PDS5B: variants seen among roughly 807,000 people sequenced by gnomAD.
PDS5B encodes sister chromatid cohesion protein PDS5 homolog B.
A neutral mutation model predicts 184.1 loss-of-function variants in PDS5B; 51 were observed. The ratio of observed to expected loss-of-function variants is 0.28; its 90% CI spans 0.22 to 0.35. The LOEUF is 0.35. Ranked by LOEUF, PDS5B falls within the 10% of genes least tolerant of loss-of-function variation. PDS5B has a pLI of 1.00. For missense variants in PDS5B, 1,180 were observed against 1,723.3 expected (o/e 0.68, Z 5.58); for synonymous variants, 566 against 569.2 (o/e 0.99, Z 0.08).
chr13:32,732,524 T>G (rs1276454715), intron 20 of PDS5B, among the ~76,000 whole-genome samples: 2 of 152,134 alleles, frequency 1.3e-5, no homozygotes, highest in Admixed American at 6.5e-5. Context: ...TAGTTACAGA[T>G]AGTAGGTAAC....
chr13:32,696,559 A>C (rs1951710207), intron 14 of PDS5B, among the ~76,000 whole-genome samples: 1 of 151,958 alleles, frequency 6.6e-6, no homozygotes, highest in Non-Finnish European at 1.5e-5. Flanking sequence ...AAAAAAAAAA[A>C]ACAAAACCCC....
At chr13:32,649,027 GTA>G (rs1950298450) in intron 2 of PDS5B, 147 bp downstream of exon 2, 1 of 619,508 alleles carries the variant, frequency 1.6e-6, no homozygotes, top group African/African-American at 1.9e-5. Context: ...AGGGAGTAGA[GTA>G]TATAAGGTAC....
chr13:32,642,254 C>A (rs17077709), intron 1 of PDS5B, among the ~76,000 whole-genome samples: 1,580 of 152,246 alleles, frequency 0.01, 38 homozygotes, highest in African/African-American at 0.035. Context: ...TTCATTCATT[C>A]ATTATTTCCT....
chr13:32,702,707 A>C (rs1951896791), intron 17 of PDS5B, among the ~76,000 whole-genome samples: 1 of 152,220 alleles, frequency 6.6e-6, no homozygotes, highest in Non-Finnish European at 1.5e-5. Flanking sequence ...GATATTTAGA[A>C]AATGATTGCC....
intron 1 of PDS5B, among the ~76,000 whole-genome samples, chr13:32,590,059 ATTTG>A (rs2057750705): frequency 6.6e-6 from 1 of 152,224 alleles, no homozygotes; most frequent in Non-Finnish European, 1.5e-5. Flanking sequence ...AATAAAATTT[ATTTG>A]TTCAAATCTT....
intron 25 of PDS5B, 36 bp from the exon 26 acceptor site, chr13:32,755,806 G>GTT (rs199745922): frequency 2.4e-4 from 228 of 966,658 alleles, no homozygotes; most frequent in South Asian, 6.6e-4. Flanking sequence ...TTTTTCTTTT[G>GTT]TTTTTTTTTG....
chr13:32,608,574 A>G (rs2058096390), intron 1 of PDS5B, among the ~76,000 whole-genome samples: 1 of 152,216 alleles, frequency 6.6e-6, no homozygotes, highest in Non-Finnish European at 1.5e-5. Context: ...GACGATAGAC[A>G]TGAAGTGGGG....
intron 15 of PDS5B, among the ~76,000 whole-genome samples, chr13:32,699,426 A>C (rs1358898497): frequency 2.0e-5 from 3 of 152,174 alleles, no homozygotes; most frequent in Admixed American, 6.6e-5. Context: ...ACAGTAATAA[A>C]ATTGGCATTA....
At chr13:32,626,277 A>G (rs541045166) in intron 1 of PDS5B, among the ~76,000 whole-genome samples, 1 of 152,298 alleles carries the variant, frequency 6.6e-6, no homozygotes, top group South Asian at 2.1e-4. Context: ...ATGGAGGGAG[A>G]TAAGCCAGAC....
At chr13:32,747,875 T>C (rs1030689197) in intron 24 of PDS5B, among the ~76,000 whole-genome samples, 9 of 152,220 alleles carry the variant, frequency 5.9e-5, no homozygotes, top group Admixed American at 1.3e-4. Context: ...GGACTTTATT[T>C]GAAACAGTAT....
chr13:32,595,186 TA>T (rs2057842189), intron 1 of PDS5B, among the ~76,000 whole-genome samples: 1 of 152,134 alleles, frequency 6.6e-6, no homozygotes, highest in Admixed American at 6.6e-5. Flanking sequence ...AAAAATGTTG[TA>T]GGGGATGACA....
chr13:32,594,235 A>G (rs2057821251), intron 1 of PDS5B, among the ~76,000 whole-genome samples: 1 of 152,108 alleles, frequency 6.6e-6, no homozygotes, highest in African/African-American at 2.4e-5. Flanking sequence ...CCAAAATGTA[A>G]GTACACAGTA....
At chr13:32,723,847 G>C (rs1362854839) in intron 19 of PDS5B, among the ~76,000 whole-genome samples, 3 of 152,068 alleles carry the variant, frequency 2.0e-5, no homozygotes, top group African/African-American at 7.2e-5. Context: ...TAGTGTTTTA[G>C]TTATACTAAT....
chr13:32,757,993 AG>A (rs1344984589), intron 26 of PDS5B, 93 bp from the exon 27 acceptor site: 1 of 482,112 alleles, frequency 2.1e-6, no homozygotes, highest in African/African-American at 2.1e-5. Flanking sequence ...TATATTATCT[AG>A]GTTTGTTATA....
At chr13:32,662,913 T>G (rs1950686223) in intron 6 of PDS5B, among the ~76,000 whole-genome samples, 1 of 152,070 alleles carries the variant, frequency 6.6e-6, no homozygotes. Flanking sequence ...TGAGAAACAA[T>G]GGACATGAAA....
Position 32,642,048 on chromosome 13 carries a change from A to G in PDS5B, c.-19-6706A>G, listed in dbSNP as rs183926200. 2.4e-3 allele frequency among the ~76,000 whole-genome samples: 365 copies of G among 152,320 alleles called. 2 individuals carry two copies. Among genetic ancestry groups the G allele is most frequent in the Middle Eastern group, 0.01 (3 of 294 alleles). ...AGGAACAAAGGTTTCGAATCTTATA[A>G]TCATGTTCTGCTTCTCTGGTATAAT... On this transcript the variant is annotated intron_variant, in intron 1 of 34. Coordinates refer to ENST00000315596, the MANE Select transcript of PDS5B (RefSeq NM_015032.4).
At chr13:32,641,832 A>T (rs78591394) in intron 1 of PDS5B, among the ~76,000 whole-genome samples, 2 of 152,330 alleles carry the variant, frequency 1.3e-5, no homozygotes, top group Middle Eastern at 3.4e-3. Context: ...CTTTAGATGT[A>T]TAATCTACAG....
intron 33 of PDS5B, chr13:32,771,111 T>A (rs1954770324): frequency 1.1e-5 from 2 of 177,114 alleles, no homozygotes; most frequent in Non-Finnish European, 2.3e-5. Context: ...ATGTTTCTCA[T>A]TAGCACCTTT....
chr13:32,767,567 G>T (rs1195679405), intron 31 of PDS5B, among the ~76,000 whole-genome samples: 1 of 152,116 alleles, frequency 6.6e-6, no homozygotes, highest in Non-Finnish European at 1.5e-5. Context: ...TTCATCACAA[G>T]AACCAGTGCA....
Sources: allele counts gnomAD v4.1 joint callset (sites outside exome capture counted in the v4.1 genomes callset), GRCh38; gene constraint gnomAD v4.1.1; transcripts MANE v1.5; gene names NCBI Gene and HGNC (gene_info 2026-07-23, HGNC 2026-07-21).